The following CAMTA1 variants were observed in gnomAD, a reference collection of about 807,000 sequenced individuals.
CAMTA1 encodes the protein calmodulin binding transcription activator 1.
A neutral mutation model predicts 170.9 loss-of-function variants in CAMTA1; 27 were observed. The ratio of observed to expected loss-of-function variants is 0.16; its 90% CI spans 0.12 to 0.22. The LOEUF (loss-of-function observed/expected upper bound fraction) is 0.22. Among genes scored for constraint, CAMTA1 ranks in the 10% least tolerant of loss-of-function variants. The pLI, the probability that CAMTA1 is intolerant of heterozygous loss-of-function variation, is 1.00. For synonymous variants in CAMTA1, 833 were observed against 891.5 expected (o/e 0.93, Z 1.17); for missense variants, 1,619 against 2,217.2 (o/e 0.73, Z 5.42).
rs898965309 is a variant in CAMTA1, at chr1:7,293,627, A to G, written c.438+44001A>G. Among the ~76,000 whole-genome samples the G allele has an allele frequency of 7.9e-5, 12 of 152,220 alleles. No homozygotes were observed. Among genetic ancestry groups the G allele is most frequent in the African/African-American group, 2.9e-4 (12 of 41,462 alleles). ...ATCTTTTACAAGCAAAATGCTTGGT[A>G]TTTCAATAAGATTGAAGGGGGGTGG... is the stretch of plus-strand genomic sequence containing the variant. On this transcript the variant is annotated intron_variant, in intron 5 of 22. Transcript: ENST00000303635. The surrounding 1 kb of genome is among the most constrained non-coding windows in gnomAD (Gnocchi z 4.1).
chr1:7,531,400 G>A (rs1324247071), intron 6 of CAMTA1, among the ~76,000 whole-genome samples: 3 of 152,214 alleles, frequency 2.0e-5, no homozygotes, highest in African/African-American at 7.2e-5. Context: ...ATGAGCAAAT[G>A]CATGCAGACC....
intron 4 of CAMTA1, among the ~76,000 whole-genome samples, chr1:7,108,665 T>C (rs1643841676): frequency 6.6e-6 from 1 of 152,234 alleles, no homozygotes; most frequent in African/African-American, 2.4e-5. Context: ...AGTCAAATGC[T>C]GCATGGGAAG....
At chr1:7,677,504 G>A in intron 10 of CAMTA1, 95 bp from the exon 11 acceptor site, 3 of 1,350,444 alleles carry the variant, frequency 2.2e-6, no homozygotes. Flanking sequence ...AACCAATGAA[G>A]GGTAGTGGGG....
intron 3 of CAMTA1, among the ~76,000 whole-genome samples, chr1:6,904,312 C>T (rs900943686): frequency 6.6e-6 from 1 of 152,176 alleles, no homozygotes; most frequent in Non-Finnish European, 1.5e-5. Flanking sequence ...TGAAAGGAGA[C>T]CTGTCTCTCC....
At chr1:7,033,675 C>A (rs987704116) in intron 3 of CAMTA1, among the ~76,000 whole-genome samples, 1 of 144,608 alleles carries the variant, frequency 6.9e-6, no homozygotes, top group African/African-American at 2.6e-5. Flanking sequence ...CTCACTGCAA[C>A]CTCCGCCTCC....
intron 4 of CAMTA1, among the ~76,000 whole-genome samples, chr1:7,171,864 T>C (rs193192071): frequency 6.6e-6 from 1 of 152,324 alleles, no homozygotes; most frequent in East Asian, 1.9e-4. Flanking sequence ...AATCATATAA[T>C]ATGTGACCTT....
intron 11 of CAMTA1, among the ~76,000 whole-genome samples, chr1:7,722,664 T>C (rs2096657307): frequency 6.6e-6 from 1 of 152,174 alleles, no homozygotes; most frequent in South Asian, 2.1e-4. Flanking sequence ...GATACAGGAG[T>C]TAAACCTGAA....
chr1:7,049,921 G>A (rs1706040968), intron 3 of CAMTA1, among the ~76,000 whole-genome samples: 1 of 152,226 alleles, frequency 6.6e-6, no homozygotes. Context: ...GTTCTGGTGG[G>A]AGGAGGGCAT....
chr1:6,902,706 A>T (rs768086186), intron 3 of CAMTA1, among the ~76,000 whole-genome samples: 12 of 152,250 alleles, frequency 7.9e-5, no homozygotes, highest in Non-Finnish European at 1.8e-4. Flanking sequence ...ACACATGGCC[A>T]ATAAGCATGT....
intron 4 of CAMTA1, among the ~76,000 whole-genome samples, chr1:7,240,708 G>A (rs1327037822): frequency 6.6e-6 from 1 of 151,984 alleles, no homozygotes; most frequent in Non-Finnish European, 1.5e-5. Flanking sequence ...GTTTTGCCAT[G>A]TTGTCCAGGC....
At chr1:7,367,964 G>A (rs2086118032) in intron 5 of CAMTA1, among the ~76,000 whole-genome samples, 1 of 148,722 alleles carries the variant, frequency 6.7e-6, no homozygotes, top group African/African-American at 2.5e-5. Context: ...TGGTTTCATT[G>A]GGTGCATGCC....
At chr1:7,639,512 C>A (rs1385828746) in intron 6 of CAMTA1, among the ~76,000 whole-genome samples, 1 of 152,190 alleles carries the variant, frequency 6.6e-6, no homozygotes, top group Non-Finnish European at 1.5e-5. Context: ...GTGGCTCACG[C>A]CTGTCATCGC....
intron 4 of CAMTA1, among the ~76,000 whole-genome samples, chr1:7,145,997 C>T (rs991336346): frequency 2.0e-5 from 3 of 152,120 alleles, no homozygotes; most frequent in African/African-American, 7.2e-5. Flanking sequence ...TAATCTCAAC[C>T]GTCTAGGTGG....
intron 5 of CAMTA1, among the ~76,000 whole-genome samples, chr1:7,353,042 T>C (rs2084804833): frequency 1.3e-5 from 2 of 152,204 alleles, no homozygotes; most frequent in Middle Eastern, 3.4e-3. Context: ...GACCGCCTGG[T>C]GAAAGGAATG....
At chr1:7,530,197 G>A (rs1282406808) in intron 6 of CAMTA1, among the ~76,000 whole-genome samples, 1 of 152,196 alleles carries the variant, frequency 6.6e-6, no homozygotes, top group Non-Finnish European at 1.5e-5. Context: ...CACAGCCCGT[G>A]CACAGCCACC....
intron 4 of CAMTA1, among the ~76,000 whole-genome samples, chr1:7,153,895 C>T (rs1646718111): frequency 6.6e-6 from 1 of 152,190 alleles, no homozygotes; most frequent in South Asian, 2.1e-4. Flanking sequence ...ATGGTGACAC[C>T]AAACAAAGAC....
chr1:7,709,914 AGT>A (rs747867308), intron 11 of CAMTA1, among the ~76,000 whole-genome samples: 226 of 152,278 alleles, frequency 1.5e-3, no homozygotes, highest in Non-Finnish European at 9.8e-4. Flanking sequence ...TCCATATGGG[AGT>A]GTGTGTGCTG....
At chr1:7,038,185 A>G (rs1185399161) in intron 3 of CAMTA1, among the ~76,000 whole-genome samples, 2 of 152,142 alleles carry the variant, frequency 1.3e-5, no homozygotes, top group African/African-American at 4.8e-5. Flanking sequence ...TTAAAAGTCA[A>G]AGTGTTGATT....
chr1:7,400,330 T>A (rs2089792408), intron 5 of CAMTA1, among the ~76,000 whole-genome samples: 1 of 152,230 alleles, frequency 6.6e-6, no homozygotes. Flanking sequence ...GGTTCTTTTT[T>A]TATATACATC....
Sources: allele counts gnomAD v4.1 joint callset (sites outside exome capture counted in the v4.1 genomes callset), GRCh38; gene constraint gnomAD v4.1.1; non-coding constraint Gnocchi (gnomAD v3.1); transcripts MANE v1.5; gene names NCBI Gene and HGNC (gene_info 2026-07-23, HGNC 2026-07-21).